The following ITPR2 variants were observed in gnomAD, a reference collection of about 807,000 sequenced individuals.
The protein encoded by ITPR2 is inositol 1,4,5-trisphosphate receptor type 2, also known as inositol 1,4,5-trisphosphate-gated calcium channel ITPR2.
ITPR2 carries 207 observed loss-of-function variants against 317.1 expected under a neutral mutation model. That is an observed-to-expected ratio of 0.65 (90% CI 0.58 to 0.73). The LOEUF (loss-of-function observed/expected upper bound fraction) is 0.73, where lower values mean the gene tolerates loss of function less well. Among genes scored for constraint, ITPR2 ranks in the 30% least tolerant of loss-of-function variants. The pLI is 0.00. For synonymous variants in ITPR2, 1,156 were observed against 1,149.1 expected (o/e 1.01, Z -0.12); for missense variants, 2,613 against 3,284.0 (o/e 0.80, Z 4.99).
At chr12:26,609,864 CAA>C (rs1185172217) in intron 26 of ITPR2, among the ~76,000 whole-genome samples, 1 of 151,838 alleles carries the variant, frequency 6.6e-6, no homozygotes, top group African/African-American at 2.4e-5. Context: ...TATTATAAAC[CAA>C]AAGTTATTTT....
intron 37 of ITPR2, among the ~76,000 whole-genome samples, chr12:26,509,345 C>CA (rs1170625918): frequency 1.3e-5 from 2 of 151,884 alleles, no homozygotes; most frequent in East Asian, 1.9e-4. Flanking sequence ...GTAAATAAAC[C>CA]AAAAAACACT....
rs114868663 is a variant in ITPR2, at chr12:26,526,345, G to T, written c.5073+23902C>A. Among the ~76,000 whole-genome samples the T allele has an allele frequency of 4.4e-3, 669 of 152,266 alleles. 7 individuals carry two copies. The highest frequency in any genetic ancestry group is 0.015 in the African/African-American group (644 of 41,550). The stretch of plus-strand genomic sequence containing the variant: ...AAAATATAAAAGGAGTCAGGCACAT[G>T]AATAGCCAAGGGAATGGTATTCCAG... On this transcript the variant is annotated intron_variant, in intron 37 of 56. Transcript: ENST00000381340.
At chr12:26,425,576 G>A (rs1384569342) in intron 49 of ITPR2, among the ~76,000 whole-genome samples, 1 of 150,392 alleles carries the variant, frequency 6.6e-6, no homozygotes, top group Non-Finnish European at 1.5e-5. Context: ...CCTGAGGCAG[G>A]AAAACCGCTT....
chr12:26,444,652 G>A (rs988246108), intron 45 of ITPR2, among the ~76,000 whole-genome samples: 17 of 152,138 alleles, frequency 1.1e-4, no homozygotes, highest in African/African-American at 2.9e-4. Context: ...GAAAATGGTA[G>A]AGCCAGTATT....
At chr12:26,427,602 C>CTCAG (rs1454523553) in intron 49 of ITPR2, among the ~76,000 whole-genome samples, 52 of 152,136 alleles carry the variant, frequency 3.4e-4, no homozygotes, top group African/African-American at 1.2e-3. Flanking sequence ...TTAACAATGG[C>CTCAG]TCAGTCATTT....
Position 26,602,487 on chromosome 12 carries a change from G to A in ITPR2, c.3561C>T (p.Ile1187=), listed in dbSNP as rs1946025077. 6.2e-7 allele frequency: 1 copy of A among 1,608,424 alleles called. No individual in the cohort carries two copies. The highest frequency in any genetic ancestry group is 8.5e-7 in the Non-Finnish European group (1 of 1,177,408). The part of the protein sequence containing the change: ...NNYRIVKEIL[I]RLSKLCVQNK... ...TCTGCACACAGAGTTTACTTAGCCT[G>A]ATCAAAATCTTTAAAAGGAAGAGGG... is the stretch of plus-strand genomic sequence containing the variant. The change falls in exon 28 of 57, where the codon ATC becomes ATT. Residue 1187 remains isoleucine (I), a synonymous_variant. Transcript: ENST00000381340.
chr12:26,522,294 T>C (rs928828128), intron 37 of ITPR2, among the ~76,000 whole-genome samples: 7 of 152,222 alleles, frequency 4.6e-5, no homozygotes, highest in Admixed American at 4.6e-4. Flanking sequence ...GATGTTCTAA[T>C]GCTATCTCTG....
intron 2 of ITPR2, among the ~76,000 whole-genome samples, chr12:26,764,849 T>G (rs1949692095): frequency 6.6e-6 from 1 of 152,092 alleles, no homozygotes; most frequent in Non-Finnish European, 1.5e-5. Context: ...ACATTTCTTT[T>G]TAATGACACT....
chr12:26,714,429 A>G (rs1948702430), intron 8 of ITPR2, among the ~76,000 whole-genome samples: 1 of 152,194 alleles, frequency 6.6e-6, no homozygotes, highest in Non-Finnish European at 1.5e-5. Context: ...TAAATATTGT[A>G]TCTTTTAGAT....
chr12:26,796,002 G>T lies in ITPR2; in HGVS notation c.93-5775C>A, dbSNP rs371081683. Among the ~76,000 whole-genome samples, 53 of 140,684 alleles carry T rather than the reference G, an allele frequency of 3.8e-4. No individual in the cohort carries two copies. The South Asian group carries it at 0.012, about 33-fold the overall frequency. 92.3% of individuals were successfully genotyped at this position (140,684 alleles called of 152,430 possible). A position where few individuals can be genotyped will look rare whatever the true frequency, so the allele number is the denominator to read the frequency against. On this transcript the variant is annotated intron_variant, in intron 1 of 56. Transcript: ENST00000381340. ...CTGTTTCCAAAAACAAAAAAAAAGG[G>T]GGGGGGGGCAACACACAAAATCAGT... is the stretch of plus-strand genomic sequence containing the variant.
At chr12:26,443,386 T>A (rs956852174) in intron 46 of ITPR2, among the ~76,000 whole-genome samples, 157 bp downstream of exon 46, 5 of 152,176 alleles carry the variant, frequency 3.3e-5, no homozygotes. Flanking sequence ...CAGTTTCCTA[T>A]AAATCACTCC....
intron 45 of ITPR2, among the ~76,000 whole-genome samples, chr12:26,449,471 G>A (rs974506867): frequency 1.3e-5 from 2 of 152,178 alleles, no homozygotes; most frequent in South Asian, 2.1e-4. Context: ...TGATAGAGAT[G>A]AGCAAGACTT....
At chr12:26,824,513 C>A (rs1259457882) in intron 1 of ITPR2, among the ~76,000 whole-genome samples, 2 of 152,048 alleles carry the variant, frequency 1.3e-5, no homozygotes, top group Non-Finnish European at 2.9e-5. Flanking sequence ...TCAGTAATAA[C>A]AGTTTCTCAG....
At chr12:26,390,943 G>T (rs540767600) in intron 54 of ITPR2, among the ~76,000 whole-genome samples, 1 of 152,226 alleles carries the variant, frequency 6.6e-6, no homozygotes, top group South Asian at 2.1e-4. Context: ...TCTGTAATAC[G>T]GTAGAGGAAA....
chr12:26,605,041 T>C (rs536550387), intron 26 of ITPR2, among the ~76,000 whole-genome samples: 17 of 148,366 alleles, frequency 1.1e-4, no homozygotes, highest in Non-Finnish European at 2.1e-4. Flanking sequence ...TGAGCCAAGA[T>C]TGCACCACAG....
intron 55 of ITPR2, among the ~76,000 whole-genome samples, chr12:26,382,736 AC>A (rs1939547405): frequency 6.6e-6 from 1 of 152,034 alleles, no homozygotes; most frequent in African/African-American, 2.4e-5. Flanking sequence ...AATATTTCAG[AC>A]CCCGATCCTA....
chr12:26,559,006 G>A (rs61920320), intron 35 of ITPR2, among the ~76,000 whole-genome samples: 3,244 of 152,092 alleles, frequency 0.021, 39 homozygotes, highest in South Asian at 0.041. Flanking sequence ...ACAACACATC[G>A]ATTCATCCAC....
chr12:26,589,184 T>A (rs1382991443), intron 32 of ITPR2, among the ~76,000 whole-genome samples: 2 of 152,166 alleles, frequency 1.3e-5, no homozygotes, highest in African/African-American at 4.8e-5. Context: ...TCTGGTGTGC[T>A]TACAGGACAT....
At chr12:26,477,084 T>A (rs1591815956) in intron 43 of ITPR2, 77 bp from the exon 44 acceptor site, 1 of 908,146 alleles carries the variant, frequency 1.1e-6, no homozygotes, top group East Asian at 2.5e-5. Context: ...TTGTTTTAAT[T>A]GAGATTACTA....
Sources: allele counts gnomAD v4.1 joint callset (sites outside exome capture counted in the v4.1 genomes callset), GRCh38; gene constraint gnomAD v4.1.1; transcripts MANE v1.5; gene names NCBI Gene and HGNC (gene_info 2026-07-23, HGNC 2026-07-21).